Variants in TNKS observed in about 807,000 individuals in gnomAD.
TNKS encodes tankyrase.
In TNKS, 72 loss-of-function variants were observed where a neutral mutation model predicts 135.8. That is an observed-to-expected ratio of 0.53 (90% CI 0.44 to 0.64). The LOEUF (loss-of-function observed/expected upper bound fraction) is 0.64. Ranked by LOEUF, TNKS falls within the 30% of genes least tolerant of loss-of-function variation. The pLI is 0.00. For synonymous variants in TNKS, 849 were observed against 649.3 expected (o/e 1.31, Z -4.68); for missense variants, 1,769 against 1,674.0 (o/e 1.06, Z -0.99).
chr8:9,733,874 G>C (rs1805563767), intron 15 of TNKS, among the ~76,000 whole-genome samples: 1 of 151,950 alleles, frequency 6.6e-6, no homozygotes, highest in South Asian at 2.1e-4. Flanking sequence ...TGTAGTATCA[G>C]ATTTTTATTA....
At chr8:9,565,829 C>A (rs1797507400) in intron 1 of TNKS, among the ~76,000 whole-genome samples, 1 of 151,904 alleles carries the variant, frequency 6.6e-6, no homozygotes, top group Admixed American at 6.6e-5. Context: ...TGCACTCCAG[C>A]CTGGGTGACA....
At chr8:9,639,469 T>G (rs1380296983) in intron 3 of TNKS, among the ~76,000 whole-genome samples, 1 of 151,960 alleles carries the variant, frequency 6.6e-6, no homozygotes, top group African/African-American at 2.4e-5. Flanking sequence ...CACTTTAAAA[T>G]GTATACATAG....
At chr8:9,648,546 A>G (rs1801007457) in intron 3 of TNKS, among the ~76,000 whole-genome samples, 2 of 152,190 alleles carry the variant, frequency 1.3e-5, no homozygotes, top group African/African-American at 2.4e-5. Flanking sequence ...AACCACTAAC[A>G]TATTCATTTG....
At chr8:9,675,079 G>A (rs1563160089) in intron 3 of TNKS, among the ~76,000 whole-genome samples, 1 of 152,166 alleles carries the variant, frequency 6.6e-6, no homozygotes, top group African/African-American at 2.4e-5. Flanking sequence ...GTATAGCAGA[G>A]TATCAGTCTG....
At position 9,575,580 on chromosome 8, in the gene TNKS, G is replaced by A. The variant is rs190393453; in HGVS notation, c.674-4579G>A. 2.0e-4 allele frequency among the ~76,000 whole-genome samples: 30 copies of A among 152,300 alleles called. No homozygotes were observed. In the East Asian group the frequency reaches 4.8e-3, roughly 24 times the overall value. ...AAAGAATTATAATCTAGAAGAAAAT[G>A]TAGGAACAGTACAGAAATAGGAAAG... On this transcript the variant is annotated intron_variant, in intron 1 of 26. Coordinates refer to ENST00000310430, the MANE Select transcript of TNKS (RefSeq NM_003747.3).
At chr8:9,651,694 G>A (rs1801153995) in intron 3 of TNKS, among the ~76,000 whole-genome samples, 1 of 152,196 alleles carries the variant, frequency 6.6e-6, no homozygotes, top group Non-Finnish European at 1.5e-5. Context: ...CAAGTCACTA[G>A]GAGGAAAAGA....
chr8:9,749,455 T>C (rs1205351286), intron 18 of TNKS, among the ~76,000 whole-genome samples: 5 of 150,818 alleles, frequency 3.3e-5, no homozygotes, highest in African/African-American at 1.2e-4. Context: ...TCTTTTTTTT[T>C]CCTTTTTTTT....
intron 3 of TNKS, among the ~76,000 whole-genome samples, chr8:9,677,267 C>A (rs1051602710): frequency 1.6e-4 from 24 of 152,288 alleles, no homozygotes; most frequent in African/African-American, 5.8e-4. Flanking sequence ...GTGTCTGACT[C>A]TGTTGGATGC....
At chr8:9,716,789 T>A (rs1804622344) in intron 11 of TNKS, among the ~76,000 whole-genome samples, 1 of 151,966 alleles carries the variant, frequency 6.6e-6, no homozygotes, top group Non-Finnish European at 1.5e-5. Flanking sequence ...TTCTGCAGAC[T>A]GGATTTTTCT....
intron 3 of TNKS, among the ~76,000 whole-genome samples, chr8:9,668,064 C>T (rs1290362221): frequency 7.9e-5 from 12 of 152,300 alleles, no homozygotes; most frequent in African/African-American, 2.6e-4. Flanking sequence ...ATTTAGTAGA[C>T]TGCAGGGCCC....
intron 3 of TNKS, among the ~76,000 whole-genome samples, chr8:9,664,586 G>C (rs867834951): frequency 3.3e-5 from 5 of 152,032 alleles, no homozygotes; most frequent in African/African-American, 1.2e-4. Context: ...GAGATTTAGG[G>C]GCTATGTGCC....
chr8:9,576,913 T>C (rs560491208), intron 1 of TNKS, among the ~76,000 whole-genome samples: 2 of 152,182 alleles, frequency 1.3e-5, no homozygotes, highest in South Asian at 4.1e-4. Flanking sequence ...AATATAAATA[T>C]AGAAACACAA....
At chr8:9,749,720 T>A (rs1806419526) in intron 18 of TNKS, among the ~76,000 whole-genome samples, 1 of 152,090 alleles carries the variant, frequency 6.6e-6, no homozygotes, top group Non-Finnish European at 1.5e-5. Flanking sequence ...GGCTCCTCCC[T>A]CAGCCTCCTT....
chr8:9,719,264 C>T (rs1804753056), intron 11 of TNKS, among the ~76,000 whole-genome samples: 1 of 152,150 alleles, frequency 6.6e-6, no homozygotes, highest in Non-Finnish European at 1.5e-5. Flanking sequence ...AGACTGGCGA[C>T]AGGGAGACTA....
At chr8:9,750,625 C>T (rs891975350) in intron 18 of TNKS, among the ~76,000 whole-genome samples, 10 of 152,202 alleles carry the variant, frequency 6.6e-5, no homozygotes, top group African/African-American at 2.4e-4. Context: ...ACCAGGCCAC[C>T]CTTCACGCCT....
chr8:9,657,733 G>T (rs1801469930), intron 3 of TNKS, among the ~76,000 whole-genome samples: 1 of 124,312 alleles, frequency 8.0e-6, no homozygotes, highest in Non-Finnish European at 1.7e-5. Flanking sequence ...CGGCCGGGCA[G>T]AGGCGCCCCT....
chr8:9,575,426 T>A (rs968487682), intron 1 of TNKS: 1 of 985,218 alleles, frequency 1.0e-6, no homozygotes, highest in Non-Finnish European at 1.2e-6. Context: ...CTACTAGATA[T>A]CTAGACTTAT....
At chr8:9,662,859 T>C (rs1256678412) in intron 3 of TNKS, among the ~76,000 whole-genome samples, 1 of 152,246 alleles carries the variant, frequency 6.6e-6, no homozygotes, top group Non-Finnish European at 1.5e-5. Context: ...CTAGTTGTGG[T>C]AGGCAGAATA....
intron 6 of TNKS, among the ~76,000 whole-genome samples, chr8:9,705,774 C>A (rs533618460): frequency 6.6e-6 from 1 of 152,102 alleles, no homozygotes; most frequent in East Asian, 1.9e-4. Context: ...ATTTAGAATA[C>A]TTTGATATGC....
Sources: allele counts gnomAD v4.1 joint callset (sites outside exome capture counted in the v4.1 genomes callset), GRCh38; gene constraint gnomAD v4.1.1; transcripts MANE v1.5; gene names NCBI Gene and HGNC (gene_info 2026-07-23, HGNC 2026-07-21).